The following PUS7 variants were observed in gnomAD, a reference collection of about 807,000 sequenced individuals.
PUS7 encodes pseudouridylate synthase 7 homolog.
A neutral mutation model predicts 79.8 loss-of-function variants in PUS7; 48 were observed. The ratio of observed to expected loss-of-function variants is 0.60; its 90% confidence interval spans 0.48 to 0.76. PUS7 has a LOEUF of 0.76. Ranked by LOEUF, PUS7 falls within the 30% of genes least tolerant of loss-of-function variation. PUS7 has a pLI of 0.00. For missense variants in PUS7, 729 were observed against 797.6 expected (o/e 0.91, Z 1.04); for synonymous variants, 286 against 272.2 (o/e 1.05, Z -0.50).
At chr7:105,470,914 C>T (rs1563358273) in intron 10 of PUS7, 66 bp from the exon 11 acceptor site, 3 of 1,448,556 alleles carry the variant, frequency 2.1e-6, no homozygotes, top group Admixed American at 2.4e-5. Context: ...ACTTAAAGTA[C>T]ACTTCACAGA....
At chr7:105,479,888 C>T (rs1003493381) in intron 9 of PUS7, among the ~76,000 whole-genome samples, 5 of 152,058 alleles carry the variant, frequency 3.3e-5, no homozygotes, top group African/African-American at 9.7e-5. Context: ...ATCCCAGTTA[C>T]GTGGGAGGCT....
At position 105,516,067 on chromosome 7, in the gene PUS7, G is replaced by C. The variant is rs1468037999; in HGVS notation, c.-33+5985C>G. 2.0e-5 allele frequency among the ~76,000 whole-genome samples: 3 copies of C among 151,740 alleles called. No homozygotes were observed. The East Asian group carries it at 5.8e-4, about 29-fold the overall frequency. Reference sequence around the variant, plus strand: ...CTGGTGATCCGCCCACCTCAAACTTGTAAAGTGCTGGGATTACAGGCGTGA... The same window carrying C: ...CTGGTGATCCGCCCACCTCAAACTTCTAAAGTGCTGGGATTACAGGCGTGA... On this transcript the variant is annotated intron_variant, in intron 1 of 15. Transcript: ENST00000469408.
In PUS7 at chr7:105,456,989, G is replaced by A. The variant is rs1247449814; in HGVS notation, c.*801C>T. 2 of 152,094 alleles carry A rather than the reference G, an allele frequency of 1.3e-5. No individual in the cohort carries two copies. Among genetic ancestry groups the A allele is most frequent in the Non-Finnish European group, 2.9e-5 (2 of 68,058 alleles). 9.4% of individuals were successfully genotyped at this position (152,094 alleles called of 1,614,324 possible). On this transcript the variant is annotated 3_prime_UTR_variant, in exon 16 of 16. Transcript: ENST00000469408. ...TACAAAAAAATACAAAAATCAGCTA[G>A]GCGTGGTGGTGCGCGCCTGTACTCC...
intron 1 of PUS7, among the ~76,000 whole-genome samples, chr7:105,519,402 G>A (rs915047076): frequency 2.6e-5 from 4 of 152,034 alleles, no homozygotes; most frequent in Non-Finnish European, 4.4e-5. Context: ...ACCACATCCA[G>A]CTAATTTTTG....
intron 13 of PUS7, 79 bp from the exon 14 acceptor site, chr7:105,462,829 C>T (rs1369706898): frequency 6.6e-6 from 9 of 1,364,192 alleles, no homozygotes; most frequent in African/African-American, 1.5e-5. Flanking sequence ...AAGAGAGTAA[C>T]AATGTAAGTT....
intron 9 of PUS7, 70 bp downstream of exon 9, chr7:105,480,982 A>G: frequency 1.3e-6 from 2 of 1,502,912 alleles, no homozygotes; most frequent in Non-Finnish European, 1.8e-6. Context: ...ATAATTAAAA[A>G]CACCACCACC....
intron 1 of PUS7, among the ~76,000 whole-genome samples, chr7:105,511,373 T>C (rs1395556369): frequency 6.6e-6 from 1 of 151,134 alleles, no homozygotes; most frequent in Non-Finnish European, 1.5e-5. Flanking sequence ...CCATAACATC[T>C]TTTGCCACCT....
chr7:105,468,257 C>A lies in PUS7; in HGVS notation c.1525+80G>T, dbSNP rs972318494. 5.9e-6 allele frequency: 9 copies of A among 1,529,748 alleles called. No individual in the cohort carries two copies. In the South Asian group the frequency reaches 8.8e-5, roughly 15 times the overall value. The allele number at this position is 1,529,748 out of a possible 1,614,324, so 94.8% of individuals were successfully genotyped here. ...CACATCTCTCTTTCTTAATTAATAG[C>A]CAGGATGGATTTTAAAGCCACTAGT... On this transcript the variant is annotated intron_variant, in intron 12 of 15. Transcript: ENST00000469408.
At chr7:105,463,271 G>A (rs1390559413) in intron 13 of PUS7, among the ~76,000 whole-genome samples, 1 of 152,170 alleles carries the variant, frequency 6.6e-6, no homozygotes, top group African/African-American at 2.4e-5. Context: ...ATACTTCTTT[G>A]TGAGGCATGC....
In PUS7 at chr7:105,462,799, T is replaced by C. The variant is rs751466248; in HGVS notation, c.1628-49A>G. 2.2e-5 allele frequency: 35 copies of C among 1,567,516 alleles called. No individual in the cohort carries two copies. In the South Asian group the frequency reaches 3.3e-4, roughly 15 times the overall value. On this transcript the variant is annotated intron_variant, in intron 13 of 15. Transcript: ENST00000469408. ...GTTGAAATGCAGCTTGTCAGTCAAG[T>C]TATCCTGAACTAGATTATAAAGAGA...
At chr7:105,483,653 T>C (rs1453044919) in intron 7 of PUS7, among the ~76,000 whole-genome samples, 2 of 151,754 alleles carry the variant, frequency 1.3e-5, no homozygotes, top group Admixed American at 1.3e-4. Flanking sequence ...CCACCACACC[T>C]GGCTATGTTT....
At chr7:105,470,509 C>A (rs1202098166) in intron 11 of PUS7, 179 bp downstream of exon 11, 4 of 554,170 alleles carry the variant, frequency 7.2e-6, no homozygotes, top group Admixed American at 7.5e-5. Flanking sequence ...CCCGCATCCA[C>A]CCCCAACATC....
chr7:105,506,427 T>C (rs1485864182), intron 2 of PUS7, among the ~76,000 whole-genome samples, 154 bp from the exon 3 acceptor site: 2 of 151,908 alleles, frequency 1.3e-5, no homozygotes, highest in Non-Finnish European at 2.9e-5. Flanking sequence ...ATTTTTTTTT[T>C]CTTTTTTTTT....
At chr7:105,463,181 G>A (rs776413864) in intron 13 of PUS7, among the ~76,000 whole-genome samples, 2 of 152,166 alleles carry the variant, frequency 1.3e-5, no homozygotes, top group African/African-American at 2.4e-5. Context: ...GCTCACCCGC[G>A]CACCTGATGT....
At position 105,457,790 on chromosome 7, in the gene PUS7, T is replaced by C; in HGVS notation, c.1986A>G (p.Ter662TrpextTer36). 1 of 1,613,954 alleles carries C rather than the reference T, an allele frequency of 6.2e-7. No homozygotes were observed. The highest frequency in any genetic ancestry group is 1.1e-5 in the South Asian group (1 of 91,060). Residue 662 changes from the stop codon to tryptophan, a stop_lost, in exon 16 of 16, where the codon TGA (stop) becomes TGG (tryptophan). Transcript: ENST00000469408. ...TTCTAATCTGTGGACAAGGTACTGC[T>C]CAGCGAAGCCAGGTTGTATTCAGCT... ...QTQLNTTWLR[*>W]
chr7:105,490,531 C>T (rs1378630369), intron 7 of PUS7, among the ~76,000 whole-genome samples: 2 of 152,098 alleles, frequency 1.3e-5, no homozygotes, highest in South Asian at 2.1e-4. Context: ...ACCGGCGATC[C>T]ATAATCCAGC....
intron 5 of PUS7, among the ~76,000 whole-genome samples, chr7:105,498,719 T>C (rs945617227): frequency 6.6e-6 from 1 of 152,188 alleles, no homozygotes; most frequent in Non-Finnish European, 1.5e-5. Context: ...ACTCCATCCA[T>C]TATCTTTATT....
intron 9 of PUS7, among the ~76,000 whole-genome samples, chr7:105,480,059 A>T (rs73421611): frequency 0.019 from 2,835 of 152,326 alleles, 94 homozygotes; most frequent in African/African-American, 0.064. Flanking sequence ...AAAGTTTAAT[A>T]AACGTGTTAA....
intron 1 of PUS7, among the ~76,000 whole-genome samples, chr7:105,520,774 A>C (rs529927559): frequency 3.3e-5 from 5 of 152,172 alleles, no homozygotes; most frequent in Non-Finnish European, 7.4e-5. Flanking sequence ...GTGGTTGCTC[A>C]AGCCTGTAAT....
Sources: gnomAD v4.1 joint callset for allele counts (sites outside exome capture counted in the v4.1 genomes callset) on GRCh38, gnomAD v4.1.1 for gene constraint, MANE v1.5 for transcripts, NCBI Gene and HGNC (gene_info 2026-07-23, HGNC 2026-07-21) for gene names.